Variants in DLGAP1 observed in about 807,000 individuals in gnomAD.
The protein encoded by DLGAP1 is DLG associated protein 1, also known as disks large-associated protein 1.
In DLGAP1, 11 loss-of-function variants were observed where a neutral mutation model predicts 90.8. That is an observed-to-expected ratio of 0.12 (90% CI 0.08 to 0.20). The LOEUF is 0.20. Among genes scored for constraint, DLGAP1 ranks in the 10% least tolerant of loss-of-function variants. The pLI, the probability that DLGAP1 is intolerant of heterozygous loss-of-function variation, is 1.00. For synonymous variants in DLGAP1, 558 were observed against 540.7 expected (o/e 1.03, Z -0.44); for missense variants, 1,050 against 1,333.8 (o/e 0.79, Z 3.31).
chr18:3,720,329 A>T (rs1414643087), intron 7 of DLGAP1, among the ~76,000 whole-genome samples: 1 of 152,240 alleles, frequency 6.6e-6, no homozygotes, highest in Non-Finnish European at 1.5e-5. Context: ...TGTCAGTAGG[A>T]CACCAGCAGA....
At chr18:4,195,303 T>C (rs2077476038) in intron 1 of DLGAP1, among the ~76,000 whole-genome samples, 2 of 152,166 alleles carry the variant, frequency 1.3e-5, no homozygotes, top group African/African-American at 4.8e-5. Flanking sequence ...TGAGCAACTA[T>C]GCTTGGATAA....
At chr18:3,934,411 G>A (rs1271907908) in intron 3 of DLGAP1, among the ~76,000 whole-genome samples, 1 of 152,046 alleles carries the variant, frequency 6.6e-6, no homozygotes, top group Non-Finnish European at 1.5e-5. Flanking sequence ...CTCAACAAAT[G>A]TTTAAATATC....
At chr18:4,063,696 A>G (rs975855658) in intron 2 of DLGAP1, among the ~76,000 whole-genome samples, 1 of 152,100 alleles carries the variant, frequency 6.6e-6, no homozygotes, top group African/African-American at 2.4e-5. Flanking sequence ...GCCTTCATCT[A>G]CATAACAAGG....
chr18:3,853,847 T>G (rs2069476142), intron 4 of DLGAP1, among the ~76,000 whole-genome samples: 1 of 152,184 alleles, frequency 6.6e-6, no homozygotes, highest in Non-Finnish European at 1.5e-5. Flanking sequence ...TTTCTGTTTT[T>G]GCTCATATGA....
intron 7 of DLGAP1, among the ~76,000 whole-genome samples, chr18:3,617,846 G>A (rs903857759): frequency 3.6e-4 from 54 of 150,868 alleles, no homozygotes; most frequent in African/African-American, 1.3e-3. Flanking sequence ...ACCAGCCTGG[G>A]CAACATGGTG....
At chr18:3,632,078 C>A (rs1394204686) in intron 7 of DLGAP1, among the ~76,000 whole-genome samples, 1 of 152,122 alleles carries the variant, frequency 6.6e-6, no homozygotes, top group Non-Finnish European at 1.5e-5. Context: ...CCTGGCCTCA[C>A]AAGATGTTGT....
chr18:3,563,641 T>C (rs974141679), intron 9 of DLGAP1, among the ~76,000 whole-genome samples: 4 of 151,806 alleles, frequency 2.6e-5, no homozygotes, highest in Admixed American at 1.3e-4. Flanking sequence ...GGCTAATTTT[T>C]TATTTTTAGT....
chr18:3,786,866 C>T (rs1047762792), intron 5 of DLGAP1, among the ~76,000 whole-genome samples: 5 of 152,098 alleles, frequency 3.3e-5, no homozygotes, highest in Non-Finnish European at 7.4e-5. Flanking sequence ...CGAACTCTGG[C>T]TTCTAGCTCA....
intron 1 of DLGAP1, among the ~76,000 whole-genome samples, chr18:4,357,148 G>GT (rs1276383217): frequency 1.6e-5 from 2 of 124,572 alleles, no homozygotes; most frequent in African/African-American, 5.8e-5. Context: ...CTTTCTCTTT[G>GT]TTTTTTTCCT....
chr18:3,547,092 G>C (rs1485513894), intron 9 of DLGAP1, among the ~76,000 whole-genome samples: 2 of 152,008 alleles, frequency 1.3e-5, no homozygotes, highest in Non-Finnish European at 2.9e-5. Context: ...ACGAGGTCAG[G>C]AGATCGAGAC....
At chr18:3,863,558 G>T (rs577106404) in intron 4 of DLGAP1, among the ~76,000 whole-genome samples, 6 of 152,174 alleles carry the variant, frequency 3.9e-5, no homozygotes, top group Non-Finnish European at 7.3e-5. Context: ...TCTGAGGGTG[G>T]CCCCAGAGGC....
intron 1 of DLGAP1, among the ~76,000 whole-genome samples, chr18:4,194,759 T>G (rs2077463876): frequency 6.6e-6 from 1 of 152,156 alleles, no homozygotes; most frequent in Non-Finnish European, 1.5e-5. Flanking sequence ...TTTAATAGAG[T>G]CTATAGGTGT....
At chr18:4,214,327 G>C (rs79548359) in intron 1 of DLGAP1, among the ~76,000 whole-genome samples, 1 of 149,992 alleles carries the variant, frequency 6.7e-6, no homozygotes, top group Admixed American at 6.6e-5. Context: ...TTTTTTTGGT[G>C]GGGGGAAAAG....
chr18:4,404,917 T>G (rs1315713083), intron 1 of DLGAP1, among the ~76,000 whole-genome samples: 1 of 152,196 alleles, frequency 6.6e-6, no homozygotes, highest in Non-Finnish European at 1.5e-5. Flanking sequence ...CCTATGATCT[T>G]GAAATAAATG....
chr18:4,363,567 C>G (rs1598287202), intron 1 of DLGAP1, among the ~76,000 whole-genome samples: 1 of 152,032 alleles, frequency 6.6e-6, no homozygotes, highest in Non-Finnish European at 1.5e-5. Context: ...AAGAAAAAAA[C>G]AAACAACCCC....
intron 1 of DLGAP1, among the ~76,000 whole-genome samples, chr18:4,393,708 C>T (rs1192245437): frequency 6.6e-6 from 1 of 152,202 alleles, no homozygotes; most frequent in Admixed American, 6.5e-5. Context: ...TTATCTAGAA[C>T]AGCAGTCCCC....
chr18:3,520,637 C>A (rs897673430), intron 10 of DLGAP1, among the ~76,000 whole-genome samples: 5 of 152,090 alleles, frequency 3.3e-5, no homozygotes, highest in African/African-American at 1.2e-4. Flanking sequence ...GACTGCAAGC[C>A]AAGGAGAGCG....
chr18:3,842,049 CATT>C (rs2068744937), intron 4 of DLGAP1, among the ~76,000 whole-genome samples: 1 of 137,832 alleles, frequency 7.3e-6, no homozygotes, highest in East Asian at 2.3e-4. Flanking sequence ...CAGGAGGAAA[CATT>C]ATCTTAGATG....
intron 1 of DLGAP1, among the ~76,000 whole-genome samples, chr18:4,231,821 A>C (rs1485988694): frequency 6.6e-6 from 1 of 152,198 alleles, no homozygotes; most frequent in Non-Finnish European, 1.5e-5. Flanking sequence ...AGAGGAAAGA[A>C]TATTCATAGA....
Sources: gnomAD v4.1 joint callset for allele counts (sites outside exome capture counted in the v4.1 genomes callset) on GRCh38, gnomAD v4.1.1 for gene constraint, MANE v1.5 for transcripts, NCBI Gene and HGNC (gene_info 2026-07-23, HGNC 2026-07-21) for gene names.